Variants in DLG2 observed in about 807,000 individuals in gnomAD.
DLG2 encodes the protein discs large MAGUK scaffold protein 2.
DLG2 carries 45 observed loss-of-function variants against 132.5 expected under a neutral mutation model. The ratio of observed to expected loss-of-function variants is 0.34; its 90% CI spans 0.27 to 0.44. The LOEUF (loss-of-function observed/expected upper bound fraction) is 0.44. Ranked by LOEUF, DLG2 falls within the 20% of genes least tolerant of loss-of-function variation. The pLI, the probability that DLG2 is intolerant of heterozygous loss-of-function variation, is 1.00. For synonymous variants in DLG2, 424 were observed against 419.6 expected (o/e 1.01, Z -0.13); for missense variants, 1,045 against 1,196.9 (o/e 0.87, Z 1.87).
intron 5 of DLG2, among the ~76,000 whole-genome samples, chr11:85,126,133 G>A (rs1594602375): frequency 6.6e-6 from 1 of 152,220 alleles, no homozygotes; most frequent in African/African-American, 2.4e-5. Context: ...AGAACGGCGG[G>A]AAGCCAGCAA....
intron 3 of DLG2, among the ~76,000 whole-genome samples, chr11:85,473,955 A>G (rs1292039172): frequency 6.6e-6 from 1 of 152,008 alleles, no homozygotes. Flanking sequence ...AAAAGACGAT[A>G]GAAATAATTC....
intron 7 of DLG2, among the ~76,000 whole-genome samples, chr11:84,533,905 C>CAAAAAAAAAAAAAAAAAAAAAAAAAAAA (rs558597260): frequency 1.8e-4 from 13 of 70,280 alleles, no homozygotes; most frequent in African/African-American, 6.3e-4. Context: ...CCAGTTCAGC[C>CAAAAAAAAAAAAAAAAAAAAAAAAAAAA]AAAAAAAAAA....
At chr11:85,469,744 A>T (rs543032704) in intron 3 of DLG2, 1 of 152,348 alleles carries the variant, frequency 6.6e-6, no homozygotes, top group African/African-American at 2.4e-5. Context: ...GATTGCCTTA[A>T]GTATTTGGTT....
intron 6 of DLG2, among the ~76,000 whole-genome samples, chr11:84,543,970 C>T (rs774365644): frequency 6.6e-6 from 1 of 152,204 alleles, no homozygotes; most frequent in Non-Finnish European, 1.5e-5. Flanking sequence ...ATATTTTAAA[C>T]TCTATGTAAT....
intron 3 of DLG2, among the ~76,000 whole-genome samples, chr11:85,407,346 G>T (rs1190779769): frequency 6.6e-6 from 1 of 151,812 alleles, no homozygotes; most frequent in Non-Finnish European, 1.5e-5. Flanking sequence ...CCTTAAAATT[G>T]CTATCAATTC....
intron 6 of DLG2, among the ~76,000 whole-genome samples, chr11:84,933,843 T>G (rs937070954): frequency 2.6e-5 from 4 of 152,236 alleles, no homozygotes; most frequent in African/African-American, 9.6e-5. Flanking sequence ...CCTGTCTGGA[T>G]GCACTTTATT....
chr11:85,585,595 C>T (rs1409521061), intron 3 of DLG2, among the ~76,000 whole-genome samples: 1 of 152,100 alleles, frequency 6.6e-6, no homozygotes, highest in African/African-American at 2.4e-5. Context: ...CCCTTCTGTG[C>T]TAATTTTGCT....
At chr11:84,271,410 T>C (rs1275573343) in intron 7 of DLG2, among the ~76,000 whole-genome samples, 1 of 152,142 alleles carries the variant, frequency 6.6e-6, no homozygotes. Flanking sequence ...ACTGGACACA[T>C]AGGGGTCTAT....
chr11:85,625,273 T>TA (rs1340691034), intron 2 of DLG2: 1 of 152,122 alleles, frequency 6.6e-6, no homozygotes, highest in Non-Finnish European at 1.5e-5. Context: ...GTAGAAAGAA[T>TA]AAAAACACAC....
rs183287647 is a variant in DLG2 at position 84,732,513 on chromosome 11, C to T, written c.358-197782G>A. ...GTTTTAATTTGCCTTTCCTTAATGA[C>T]TCATTGTGTTGAACATCTTTTCATG... is the stretch of plus-strand genomic sequence containing the variant. On this transcript the variant is annotated intron_variant, in intron 6 of 27. Transcript: ENST00000376104. Among the ~76,000 whole-genome samples, 59 of 151,972 alleles carry T rather than the reference C, an allele frequency of 3.9e-4. No individual in the cohort carries two copies. In the East Asian group the frequency reaches 0.011, roughly 29 times the overall value.
intron 19 of DLG2, among the ~76,000 whole-genome samples, chr11:83,604,482 G>A (rs2059029791): frequency 6.6e-6 from 1 of 152,146 alleles, no homozygotes; most frequent in Non-Finnish European, 1.5e-5. Flanking sequence ...TCTGAAACAA[G>A]TGTTTCTGGG....
intron 21 of DLG2, among the ~76,000 whole-genome samples, chr11:83,507,544 A>G (rs2094775803): frequency 6.9e-6 from 1 of 145,390 alleles, no homozygotes; most frequent in Non-Finnish European, 1.5e-5. Context: ...TAAATATCCT[A>G]AAGATATATA....
intron 6 of DLG2, among the ~76,000 whole-genome samples, chr11:85,030,190 T>C (rs2060891072): frequency 6.6e-6 from 1 of 152,244 alleles, no homozygotes; most frequent in African/African-American, 2.4e-5. Flanking sequence ...TTTCAGTTGA[T>C]CCTTTTTAAA....
chr11:84,401,790 C>G (rs1431599038), intron 7 of DLG2, among the ~76,000 whole-genome samples: 1 of 152,308 alleles, frequency 6.6e-6, no homozygotes, highest in Non-Finnish European at 1.5e-5. Flanking sequence ...TCATGCCATT[C>G]TCTTGCCTCA....
chr11:84,901,578 A>G (rs1167254158), intron 6 of DLG2, among the ~76,000 whole-genome samples: 1 of 152,152 alleles, frequency 6.6e-6, no homozygotes, highest in Non-Finnish European at 1.5e-5. Flanking sequence ...CATTAACTAG[A>G]ATAAATCTTT....
chr11:85,317,670 T>C (rs555444086), intron 3 of DLG2, among the ~76,000 whole-genome samples: 1 of 151,756 alleles, frequency 6.6e-6, no homozygotes, highest in African/African-American at 2.4e-5. Flanking sequence ...CTGAACAAAA[T>C]AATAAGTAAA....
In DLG2 at chr11:84,788,359, C is replaced by T. The variant is rs1210031078; in HGVS notation, c.358-253628G>A. Among the ~76,000 whole-genome samples, 5 of 152,002 alleles carry T rather than the reference C, an allele frequency of 3.3e-5. No homozygotes were observed. The East Asian group carries it at 9.7e-4, about 29-fold the overall frequency. ...CATTACTTGGAACACAACAGGTGTT[C>T]AAAAACTACTTACTGAATAAATAAA... On this transcript the variant is annotated intron_variant, in intron 6 of 27. Coordinates refer to ENST00000376104, the MANE Select transcript of DLG2 (RefSeq NM_001142699.3).
At chr11:84,156,662 T>C (rs537343154) in intron 9 of DLG2, among the ~76,000 whole-genome samples, 2 of 152,332 alleles carry the variant, frequency 1.3e-5, no homozygotes, top group South Asian at 2.1e-4. Flanking sequence ...AATTACTGAC[T>C]TTTGTTAGTC....
chr11:85,543,419 C>T (rs945795265), intron 3 of DLG2, among the ~76,000 whole-genome samples: 1 of 152,158 alleles, frequency 6.6e-6, no homozygotes, highest in Non-Finnish European at 1.5e-5. Flanking sequence ...CAAGTCTTTG[C>T]TAGTGTGAAC....
Sources: gnomAD v4.1 joint callset for allele counts (sites outside exome capture counted in the v4.1 genomes callset) on GRCh38, gnomAD v4.1.1 for gene constraint, MANE v1.5 for transcripts, NCBI Gene and HGNC (gene_info 2026-07-23, HGNC 2026-07-21) for gene names.